Variants in ATN1 observed in about 807,000 individuals in gnomAD.
ATN1 encodes atrophin 1, also known as atrophin-1.
A neutral mutation model predicts 85.8 loss-of-function variants in ATN1; 19 were observed. That is an observed-to-expected ratio of 0.22 (90% confidence interval 0.15 to 0.32). The LOEUF is 0.32. ATN1 is among the 10% of genes least tolerant of loss of function. The pLI is 1.00. For missense variants in ATN1, 1,453 were observed against 1,564.5 expected, an observed-to-expected ratio of 0.93 and a Z score of 1.20; for synonymous variants, 674 against 657.0, an observed-to-expected ratio of 1.03 and a Z score of -0.39.
At chr12:6,939,632 G>A (rs1488731371) in intron 7 of ATN1, among the ~76,000 whole-genome samples, 1 of 152,142 alleles carries the variant, frequency 6.6e-6, no homozygotes, top group East Asian at 1.9e-4. Flanking sequence ...CTCTGGAGTA[G>A]CTGGGATTAC....
chr12:6,927,074 C>T (rs782460374), upstream of ATN1, among the ~76,000 whole-genome samples: 4 of 152,078 alleles, frequency 2.6e-5, no homozygotes, highest in Admixed American at 2.0e-4. Flanking sequence ...GTTCCCTCCT[C>T]TCTCTCCTCA....
Position 6,935,824 on chromosome 12 carries a change from A to G in ATN1, c.557A>G (p.His186Arg). The change falls in exon 5 of 10, where the codon CAT (histidine) becomes CGT (arginine). Residue 186 changes from histidine (H) to arginine (R), a missense_variant. By Grantham distance (29) the His-to-Arg change is conservative (BLOSUM62 0). Around this residue, in one of 6 missense-constraint regions of ATN1, gnomAD observed 990 missense variants for 914.8 expected, o/e 1.08. Coordinates refer to ENST00000396684, the MANE Select transcript of ATN1 (RefSeq NM_001940.4). The surrounding 1 kb of genome is among the most constrained non-coding windows in gnomAD (Gnocchi z 5.3). ...PRQPEASFEP[H>R]PSVTPTGYHA... ...CAGCCAGAGGCTAGCTTTGAACCCCATCCTTCTGTGACACCCACTGGATAT... is the reference window on the plus strand; with the variant it reads ...CAGCCAGAGGCTAGCTTTGAACCCCGTCCTTCTGTGACACCCACTGGATAT... The G allele has an allele frequency of 1.9e-6, 3 of 1,612,954 alleles. No homozygotes were observed. Among genetic ancestry groups the G allele is most frequent in the South Asian group, 2.2e-5 (2 of 91,020 alleles).
rs1555143648 is a variant in ATN1, at chr12:6,936,364, C to T, written c.1097C>T (p.Ala366Val). 6.2e-7 allele frequency: 1 copy of T among 1,613,882 alleles called. No individual in the cohort carries two copies. The highest frequency in any genetic ancestry group is 1.3e-5 in the African/African-American group (1 of 74,880). ...PHSLPPASSSAPAPPMRFPYS... is the reference protein window; with the variant it reads ...PHSLPPASSSVPAPPMRFPYS... Reference sequence around the variant, plus strand: ...TCTCTGCCTCCTGCTTCCTCTTCTGCTCCAGCGCCCCCCATGAGGTTTCCT... The same window carrying T: ...TCTCTGCCTCCTGCTTCCTCTTCTGTTCCAGCGCCCCCCATGAGGTTTCCT... Residue 366 changes from alanine to valine, a missense_variant, in exon 5 of 10, where the codon GCT becomes GTT. By Grantham distance (64) the Ala-to-Val change is moderately conservative (BLOSUM62 0). Coordinates refer to ENST00000396684, the MANE Select transcript of ATN1 (RefSeq NM_001940.4).
intron 7 of ATN1, among the ~76,000 whole-genome samples, chr12:6,939,880 T>G (rs1945610873): frequency 6.6e-6 from 1 of 152,244 alleles, no homozygotes; most frequent in Non-Finnish European, 1.5e-5. Flanking sequence ...TGCGAGGTCT[T>G]TCATGTTTTT....
Position 6,934,995 on chromosome 12 carries a change from A to G in ATN1, c.279+417A>G, listed in dbSNP as rs782114841. 2.6e-5 allele frequency among the ~76,000 whole-genome samples: 4 copies of G among 152,132 alleles called. No homozygotes were observed. Among genetic ancestry groups the G allele is most frequent in the African/African-American group, 9.7e-5 (4 of 41,414 alleles). On this transcript the variant is annotated intron_variant, in intron 4 of 9. Coordinates refer to ENST00000396684, the MANE Select transcript of ATN1 (RefSeq NM_001940.4). The surrounding 1 kb of genome is among the most constrained non-coding windows in gnomAD (Gnocchi z 4.5). ...AACCTCCGCCTCCTGGGTTCAAACA[A>G]TTGTGCCTCAGCCTCCCGAGTGGCT...
At chr12:6,927,813 G>C (rs1338476387), upstream of ATN1, among the ~76,000 whole-genome samples, 1 of 150,344 alleles carries the variant, frequency 6.7e-6, no homozygotes, top group Non-Finnish European at 1.5e-5. Context: ...TTTCCTGTGC[G>C]AGTCGCCGGA....
In ATN1 at chr12:6,928,391, T is replaced by A. The variant is rs1945422746; in HGVS notation, c.-163+7T>A. ...CGTCCCGAGCTACCAGCAGGTAAGG[T>A]CTGCGGCCGCCTGGGCCCCGGGCCC... On this transcript the variant is annotated splice_region_variant and intron_variant, in intron 1 of 9. Transcript: ENST00000396684. 6.7e-6 allele frequency: 1 copy of A among 150,062 alleles called. No homozygotes were observed. Among genetic ancestry groups the A allele is most frequent in the South Asian group, 2.1e-4 (1 of 4,750 alleles). The allele number at this position is 150,062 out of a possible 1,614,324, so 9.3% of individuals were successfully genotyped here. A position where few individuals can be genotyped will look rare whatever the true frequency, so the allele number is the denominator to read the frequency against.
Position 6,937,829 on chromosome 12 carries a change from C to T in ATN1, c.2295-16C>T. ...GCTCGCACCGCCTGAGCGCCCGCTG[C>T]TTCCACGCCCGGCAGGTTCAACAAA... On this transcript the variant is annotated splice_polypyrimidine_tract_variant and intron_variant, in intron 5 of 9. Coordinates refer to ENST00000396684, the MANE Select transcript of ATN1 (RefSeq NM_001940.4). This position sits in a 1 kb window ranked among gnomAD's most constrained non-coding sequence, Gnocchi z 6.0. 6.5e-7 allele frequency: 1 copy of T among 1,540,982 alleles called. No individual in the cohort carries two copies. The highest frequency in any genetic ancestry group is 2.1e-5 in the Admixed American group (1 of 48,306).
upstream of ATN1, among the ~76,000 whole-genome samples, chr12:6,926,980 C>T (rs1268145881): frequency 2.0e-5 from 3 of 151,644 alleles, no homozygotes; most frequent in African/African-American, 7.3e-5. Context: ...CCATCCAGAG[C>T]CCTCCTTTCT....
rs797045323 is a variant in ATN1 at position 6,936,770 on chromosome 12, G to GCAT, written c.1505_1506insTCA (p.Gln501_Gln502insHis). On this transcript the variant is annotated inframe_insertion, in exon 5 of 10. Transcript: ENST00000396684. ...AGCAGCAGCAGCAGCAGCAGCAGCA[G>GCAT]CAGCATCACGGAAACTCTGGGCCCC... 4 of 1,559,130 alleles carry GCAT rather than the reference G, an allele frequency of 2.6e-6. No homozygotes were observed. Among genetic ancestry groups the GCAT allele is most frequent in the Middle Eastern group, 1.7e-4 (1 of 5,906 alleles).
At chr12:6,933,795 ACT>A (rs1945495572) in intron 1 of ATN1, 43 bp from the exon 2 acceptor site, 3 of 634,242 alleles carry the variant, frequency 4.7e-6, no homozygotes, top group South Asian at 3.9e-5. Flanking sequence ...TTCCTTTGTG[ACT>A]CTGTTCTCCA....
At position 6,937,135 on chromosome 12, in the gene ATN1, C is replaced by T. The variant is rs1945554136; in HGVS notation, c.1868C>T (p.Ser623Phe). ...TCCACGGTCATTGCCACCGTGGCTT[C>T]CTCGCCAGCAGGCTACAAAACGGCC... ...TLSTVIATVASSPAGYKTASP... is the reference protein window; with the variant it reads ...TLSTVIATVAFSPAGYKTASP... Residue 623 changes from serine (S) to phenylalanine (F), a missense_variant, in exon 5 of 10, where the codon TCC (serine) becomes TTC (phenylalanine). By Grantham distance (155) the Ser-to-Phe change is radical. This residue lies in a region of ATN1 where 990 missense variants were observed against 914.8 expected (regional missense o/e 1.08). Transcript: ENST00000396684. The surrounding 1 kb of genome is among the most constrained non-coding windows in gnomAD (Gnocchi z 6.0). 6.2e-7 allele frequency: 1 copy of T among 1,611,594 alleles called. No individual in the cohort carries two copies. Among genetic ancestry groups the T allele is most frequent in the East Asian group, 2.2e-5 (1 of 44,850 alleles).
Position 6,937,762 on chromosome 12 carries a change from A to G in ATN1, c.2295-83A>G, listed in dbSNP as rs117342528. ...GGGGTGGTTTTGAGGCGGGGGCTACAAGCACTCGCCGGGGCCGCGGCGCTG... is the reference window on the plus strand; with the variant it reads ...GGGGTGGTTTTGAGGCGGGGGCTACGAGCACTCGCCGGGGCCGCGGCGCTG... On this transcript the variant is annotated intron_variant, in intron 5 of 9. Transcript: ENST00000396684. This position sits in a 1 kb window ranked among gnomAD's most constrained non-coding sequence, Gnocchi z 6.0. The G allele has an allele frequency of 1.7e-3, 2,486 of 1,465,900 alleles. 31 individuals carry two copies. The East Asian group carries it at 0.033, about 19-fold the overall frequency. The allele number at this position is 1,465,900 out of a possible 1,614,324, so 90.8% of individuals were successfully genotyped here.
chr12:6,929,845 G>C (rs1945439310), intron 1 of ATN1, among the ~76,000 whole-genome samples: 1 of 152,186 alleles, frequency 6.6e-6, no homozygotes, highest in Non-Finnish European at 1.5e-5. Flanking sequence ...TTTTTGTAGA[G>C]TTGTCTTTTT....
intron 1 of ATN1, among the ~76,000 whole-genome samples, chr12:6,933,223 T>C (rs939213518): frequency 6.7e-6 from 1 of 148,604 alleles, no homozygotes; most frequent in Non-Finnish European, 1.5e-5. Flanking sequence ...TCTTTTTTCT[T>C]TTTTTTTTTT....
At position 6,939,078 on chromosome 12, in the gene ATN1, C is replaced by G. The variant is rs1555144346; in HGVS notation, c.3115C>G (p.Leu1039Val). 6.2e-7 allele frequency: 1 copy of G among 1,603,498 alleles called. No individual in the cohort carries two copies. The highest frequency in any genetic ancestry group is 2.2e-5 in the East Asian group (1 of 44,884). The change falls in exon 7 of 10, where the codon CTG becomes GTG. Residue 1039 changes from leucine (L) to valine (V), a missense_variant. Physicochemically the swap from Leu to Val is conservative, Grantham distance 32. Transcript: ENST00000396684. ...ERVAALGNDP[L>V]ARLQMLNVTP... ...GGTGGCGGCCCTGGGCAATGACCCA[C>G]TGGCCCGGCTGCAGATGCTCAATGT... is the stretch of plus-strand genomic sequence containing the variant.
In ATN1 at chr12:6,941,046, G is replaced by C; in HGVS notation, c.3358+23G>C. The C allele has an allele frequency of 1.9e-6, 3 of 1,613,514 alleles. No homozygotes were observed. Among genetic ancestry groups the C allele is most frequent in the Non-Finnish European group, 2.5e-6 (3 of 1,179,626 alleles). On this transcript the variant is annotated intron_variant, in intron 8 of 9. Transcript: ENST00000396684. This position sits in a 1 kb window ranked among gnomAD's most constrained non-coding sequence, Gnocchi z 5.9. ...TTGGTAAGGATGGAAGTTGGGGTAG[G>C]CAGCTCCAATGAGAAAAGGGCAGAA...
chr12:6,936,966 C>A lies in ATN1; in HGVS notation c.1699C>A (p.Pro567Thr), dbSNP rs782520526. Residue 567 changes from proline to threonine, a missense_variant, in exon 5 of 10, where the codon CCA (proline) becomes ACA (threonine). Physicochemically the swap from Pro to Thr is conservative, Grantham distance 38 (BLOSUM62 -1). Around this residue, in one of 6 missense-constraint regions of ATN1, gnomAD observed 990 missense variants for 914.8 expected, o/e 1.08. Coordinates refer to ENST00000396684, the MANE Select transcript of ATN1 (RefSeq NM_001940.4). The part of the protein sequence containing the change: ...SYSQAGPNGP[P>T]VSSSSNSSSS... ...CAGCCAAGCAGGCCCCAATGGCCCT[C>A]CAGTCTCTTCCTCTTCCAACTCTTC... is the stretch of plus-strand genomic sequence containing the variant. The A allele has an allele frequency of 1.7e-5, 28 of 1,613,724 alleles. No homozygotes were observed. The Admixed American group carries it at 4.0e-4, about 23-fold the overall frequency.
chr12:6,930,069 A>G (rs1370785631), intron 1 of ATN1, among the ~76,000 whole-genome samples: 1 of 152,202 alleles, frequency 6.6e-6, no homozygotes, highest in Non-Finnish European at 1.5e-5. Flanking sequence ...ATAGAACAGG[A>G]GCCAGGAGAC....
Sources: allele counts gnomAD v4.1 joint callset (sites outside exome capture counted in the v4.1 genomes callset), GRCh38; gene constraint gnomAD v4.1.1; regional missense constraint gnomAD v4.1.1; non-coding constraint Gnocchi (gnomAD v3.1); transcripts MANE v1.5; gene names NCBI Gene and HGNC (gene_info 2026-07-23, HGNC 2026-07-21).